Variants in NTM observed in about 807,000 individuals in gnomAD.
NTM encodes the protein neurotrimin.
Under a neutral mutation model 42.1 loss-of-function variants are expected in NTM, and 13 were observed. The observed-to-expected ratio is 0.31, with a 90% CI of 0.20 to 0.49. The LOEUF is 0.49. Among genes scored for constraint, NTM ranks in the 20% least tolerant of loss-of-function variants. The probability of loss-of-function intolerance (pLI) is 0.99; values close to 1 mark genes in which losing one functional copy is unlikely to be tolerated. For missense variants in NTM, 373 were observed against 452.8 expected, an observed-to-expected ratio of 0.82 and a Z score of 1.60; for synonymous variants, 187 against 179.2, an observed-to-expected ratio of 1.04 and a Z score of -0.35.
chr11:131,917,265 G>A (rs748930013), intron 2 of NTM, among the ~76,000 whole-genome samples: 9 of 152,214 alleles, frequency 5.9e-5, no homozygotes, highest in Non-Finnish European at 8.8e-5. Flanking sequence ...TCTCCTTGGA[G>A]TCTGTGTCCT....
chr11:131,578,575 C>T (rs2058129874), intron 1 of NTM, among the ~76,000 whole-genome samples: 1 of 152,154 alleles, frequency 6.6e-6, no homozygotes, highest in Non-Finnish European at 1.5e-5. Context: ...ATATATTCAT[C>T]ATGAGGCCAG....
intron 1 of NTM, among the ~76,000 whole-genome samples, chr11:131,455,071 G>A (rs1054982147): frequency 4.6e-5 from 7 of 152,176 alleles, no homozygotes; most frequent in Non-Finnish European, 7.3e-5. Flanking sequence ...TTGTGTGCGT[G>A]CTGTTCAACG....
intron 1 of NTM, chr11:131,538,257 A>G (rs2052590966): frequency 1.3e-5 from 2 of 152,202 alleles, no homozygotes; most frequent in South Asian, 4.1e-4. Flanking sequence ...GAAGCCCTTG[A>G]GAAATCTAAA....
At position 131,758,648 on chromosome 11, in the gene NTM, A is replaced by G. The variant is rs139965017; in HGVS notation, c.83-152916A>G. Among the ~76,000 whole-genome samples the G allele has an allele frequency of 8.0e-5, 12 of 149,614 alleles. No individual in the cohort carries two copies. In the East Asian group the frequency reaches 2.4e-3, roughly 29 times the overall value. On this transcript the variant is annotated intron_variant, in intron 1 of 8. Transcript: ENST00000683400. ...CACTGTGTTGCCCAGGTTAGAGTGC[A>G]GTGGTGCAATCTTGGCTCACTGCAA...
chr11:131,752,433 C>G (rs906394655), intron 1 of NTM, among the ~76,000 whole-genome samples: 3 of 152,168 alleles, frequency 2.0e-5, no homozygotes, highest in African/African-American at 7.2e-5. Context: ...ACTTTTACAT[C>G]GCTGGTGGGA....
chr11:131,545,236 C>T (rs1010319380), intron 1 of NTM, among the ~76,000 whole-genome samples: 2 of 152,150 alleles, frequency 1.3e-5, no homozygotes, highest in Admixed American at 1.3e-4. Flanking sequence ...ACCAGAATGG[C>T]TTATCTTACC....
At chr11:131,927,735 T>C (rs1046151157) in intron 2 of NTM, among the ~76,000 whole-genome samples, 1 of 152,168 alleles carries the variant, frequency 6.6e-6, no homozygotes, top group Admixed American at 6.5e-5. Flanking sequence ...CAGAGAAGGA[T>C]TTCATTGACA....
chr11:131,994,478 G>A (rs2067619566), intron 2 of NTM, among the ~76,000 whole-genome samples: 1 of 152,206 alleles, frequency 6.6e-6, no homozygotes, highest in Non-Finnish European at 1.5e-5. Context: ...AAGTTTATTA[G>A]CACAAAATAC....
rs546774846 is a variant in NTM at position 131,920,219 on chromosome 11, TA to T, written c.167+8577del. On this transcript the variant is annotated intron_variant, in intron 2 of 8. Coordinates refer to ENST00000683400, the MANE Select transcript of NTM (RefSeq NM_001352005.2). ...TGATAATTCCAGTGGAGTCAAATGG[TA>T]AAAAACAGGGTCTGGGATAACATGT... 6.8e-3 allele frequency among the ~76,000 whole-genome samples: 1,039 copies of T among 152,204 alleles called. 16 individuals are homozygous for T. The highest frequency in any genetic ancestry group is 0.024 in the African/African-American group (989 of 41,522).
intron 1 of NTM, among the ~76,000 whole-genome samples, chr11:131,627,444 C>A: frequency 6.6e-6 from 1 of 152,036 alleles, no homozygotes; most frequent in Non-Finnish European, 1.5e-5. Flanking sequence ...AACTGGAATT[C>A]TTATATCTTG....
intron 1 of NTM, among the ~76,000 whole-genome samples, chr11:131,801,376 G>T (rs955060411): frequency 9.2e-5 from 14 of 152,080 alleles, no homozygotes; most frequent in African/African-American, 1.7e-4. Flanking sequence ...GAGGGAGAAG[G>T]CCAGTAGCCA....
intron 1 of NTM, among the ~76,000 whole-genome samples, chr11:131,758,868 A>G (rs1322917437): frequency 1.3e-5 from 2 of 152,186 alleles, no homozygotes; most frequent in Non-Finnish European, 2.9e-5. Context: ...CGAGGATTAC[A>G]GGCATGACCC....
chr11:132,322,827 A>G (rs1223842455), intron 7 of NTM, among the ~76,000 whole-genome samples: 3 of 147,680 alleles, frequency 2.0e-5, no homozygotes, highest in Non-Finnish European at 4.5e-5. Context: ...ATAACAAACT[A>G]TATCTCAGAC....
At chr11:131,699,909 GGTGTGT>G (rs10577927) in intron 1 of NTM, among the ~76,000 whole-genome samples, 6,851 of 130,418 alleles carry the variant, frequency 0.053, 175 homozygotes, top group Admixed American at 0.06. Flanking sequence ...CAAAGCAGCA[GGTGTGT>G]GTGTGTGTGT....
chr11:131,655,089 T>G (rs865871707), intron 1 of NTM, among the ~76,000 whole-genome samples: 2 of 152,098 alleles, frequency 1.3e-5, no homozygotes, highest in South Asian at 2.1e-4. Flanking sequence ...GCTTCCCACA[T>G]TTGGCTGCAT....
At chr11:131,824,744 T>C (rs2041927807) in intron 1 of NTM, among the ~76,000 whole-genome samples, 1 of 152,168 alleles carries the variant, frequency 6.6e-6, no homozygotes. Flanking sequence ...GTGGTCTTCC[T>C]CAGGGATGCC....
chr11:132,216,034 C>T lies in NTM; in HGVS notation c.526+3887C>T, dbSNP rs148655541. Among the ~76,000 whole-genome samples, 831 of 152,342 alleles carry T rather than the reference C, an allele frequency of 5.5e-3. 6 individuals are homozygous for T. The highest frequency in any genetic ancestry group is 0.017 in the African/African-American group (702 of 41,572). ...CAGGGCAGCCAACTGCCCACTGTGC[C>T]TGGTGTCATGACTCTGTGCTTTGCC... On this transcript the variant is annotated intron_variant, in intron 4 of 8. Transcript: ENST00000683400.
At chr11:131,652,635 G>A (rs1362139928) in intron 1 of NTM, among the ~76,000 whole-genome samples, 1 of 152,230 alleles carries the variant, frequency 6.6e-6, no homozygotes, top group African/African-American at 2.4e-5. Context: ...CAGAGGCAGA[G>A]CGGGTTCTGG....
At chr11:131,449,642 C>G (rs1565512339) in intron 1 of NTM, among the ~76,000 whole-genome samples, 1 of 152,238 alleles carries the variant, frequency 6.6e-6, no homozygotes, top group African/African-American at 2.4e-5. Context: ...TCTAATTCCT[C>G]CGTGCTCTCT....
Sources: allele counts gnomAD v4.1 joint callset (sites outside exome capture counted in the v4.1 genomes callset), GRCh38; gene constraint gnomAD v4.1.1; transcripts MANE v1.5; gene names NCBI Gene and HGNC (gene_info 2026-07-23, HGNC 2026-07-21).